PRKAR1B: variants seen among roughly 807,000 people sequenced by gnomAD.
PRKAR1B encodes the protein protein kinase cAMP-dependent type I regulatory subunit beta.
A neutral mutation model predicts 46.5 loss-of-function variants in PRKAR1B; 22 were observed. The observed-to-expected ratio is 0.47, with a 90% CI of 0.34 to 0.68. The LOEUF is 0.68. Ranked by LOEUF, PRKAR1B falls within the 30% of genes least tolerant of loss-of-function variation. PRKAR1B has a pLI of 0.01. For synonymous variants in PRKAR1B, 259 were observed against 217.7 expected (o/e 1.19, Z -1.67); for missense variants, 445 against 535.6 (o/e 0.83, Z 1.67).
chr7:639,655 G>A (rs1462601473), intron 4 of PRKAR1B, among the ~76,000 whole-genome samples: 1 of 152,142 alleles, frequency 6.6e-6, no homozygotes, highest in Non-Finnish European at 1.5e-5. Context: ...CTCTCAGCCT[G>A]CCTGGGCAAC....
intron 6 of PRKAR1B, among the ~76,000 whole-genome samples, chr7:604,174 A>AT: frequency 6.6e-6 from 1 of 152,272 alleles, no homozygotes; most frequent in East Asian, 1.9e-4. Context: ...ACCTCCTGGG[A>AT]CGGGCCCAGG....
intron 1 of PRKAR1B, 52 bp from the exon 2 acceptor site, chr7:711,579 C>T (rs913858300): frequency 1.2e-5 from 18 of 1,531,164 alleles, no homozygotes; most frequent in African/African-American, 1.4e-5. Flanking sequence ...CGGGGCTGCG[C>T]GCCGGATAAA....
intron 2 of PRKAR1B, 113 bp from the exon 3 acceptor site, chr7:680,839 T>A: frequency 8.0e-7 from 1 of 1,252,888 alleles, no homozygotes; most frequent in Non-Finnish European, 1.1e-6. Flanking sequence ...GAGGATCGCT[T>A]GAACTCAGGA....
At chr7:553,839 CCT>C (rs1337895189) in intron 9 of PRKAR1B, among the ~76,000 whole-genome samples, 4 of 152,392 alleles carry the variant, frequency 2.6e-5, no homozygotes, top group African/African-American at 9.6e-5. Flanking sequence ...TGCCCTGGCC[CCT>C]GATCCGGCCG....
At chr7:640,581 G>C (rs1361796393) in intron 4 of PRKAR1B, among the ~76,000 whole-genome samples, 1 of 152,072 alleles carries the variant, frequency 6.6e-6, no homozygotes, top group Non-Finnish European at 1.5e-5. Context: ...TGGCTAACAT[G>C]GTGAAACCCC....
chr7:629,007 G>A (rs1783579079), intron 4 of PRKAR1B, among the ~76,000 whole-genome samples: 1 of 152,178 alleles, frequency 6.6e-6, no homozygotes, highest in African/African-American at 2.4e-5. Flanking sequence ...CCGCCACCGC[G>A]GGACGCCATT....
intron 8 of PRKAR1B, 66 bp downstream of exon 8, chr7:584,442 G>A: frequency 7.0e-7 from 1 of 1,419,966 alleles, no homozygotes; most frequent in South Asian, 1.2e-5. Context: ...ATGGGGAAGA[G>A]GCCGGGGTGG....
At position 560,107 on chromosome 7, in the gene PRKAR1B, G is replaced by A. The variant is rs1193820393; in HGVS notation, c.892-8637C>T. Among the ~76,000 whole-genome samples the A allele has an allele frequency of 2.0e-5, 3 of 152,084 alleles. No homozygotes were observed. The highest frequency in any genetic ancestry group is 1.9e-4 in the East Asian group (1 of 5,186). ...GAGTTGTAGCTCCCATAATCCCCAC[G>A]TGTTGTGGGAGGGACCCAGGGGGCG... is the stretch of plus-strand genomic sequence containing the variant. On this transcript the variant is annotated intron_variant, in intron 9 of 10. Transcript: ENST00000537384. The surrounding 1 kb of genome is among the most constrained non-coding windows in gnomAD (Gnocchi z 4.2).
At chr7:727,129 G>C in intron 1 of PRKAR1B, 81 bp downstream of exon 1, 2 of 1,189,266 alleles carry the variant, frequency 1.7e-6, no homozygotes, top group Non-Finnish European at 1.0e-6. Context: ...CCCGCCCGAG[G>C]CCTGTGAGGA....
At chr7:597,477 GA>G (rs1442591594) in intron 6 of PRKAR1B, among the ~76,000 whole-genome samples, 1 of 152,202 alleles carries the variant, frequency 6.6e-6, no homozygotes, top group African/African-American at 2.4e-5. Context: ...TTCCTGGAGG[GA>G]GGCTGGAGCA....
intron 4 of PRKAR1B, among the ~76,000 whole-genome samples, chr7:675,644 T>C (rs147992805): frequency 1.3e-3 from 195 of 152,150 alleles, no homozygotes; most frequent in Non-Finnish European, 2.2e-3. Flanking sequence ...GACCACCCAA[T>C]GTTCATAAAG....
intron 4 of PRKAR1B, among the ~76,000 whole-genome samples, chr7:668,425 G>A (rs1453155026): frequency 6.6e-6 from 1 of 152,218 alleles, no homozygotes; most frequent in Non-Finnish European, 1.5e-5. Flanking sequence ...TGAGCCATCA[G>A]CCTGTTTCTT....
At chr7:724,051 C>A (rs1372651460) in intron 1 of PRKAR1B, among the ~76,000 whole-genome samples, 2 of 152,186 alleles carry the variant, frequency 1.3e-5, no homozygotes, top group Admixed American at 6.5e-5. Context: ...TCACCTCAAT[C>A]ACGTCTGCAA....
intron 4 of PRKAR1B, among the ~76,000 whole-genome samples, chr7:637,735 T>A (rs1219044612): frequency 6.6e-6 from 1 of 151,762 alleles, no homozygotes; most frequent in Non-Finnish European, 1.5e-5. Flanking sequence ...CTGAGGAGGC[T>A]GAGGCAGCAG....
chr7:627,427 C>T (rs892594791), intron 4 of PRKAR1B, among the ~76,000 whole-genome samples: 7 of 152,186 alleles, frequency 4.6e-5, no homozygotes, highest in African/African-American at 1.2e-4. Context: ...ATTTTACAGA[C>T]GGGACACTGA....
rs1222138416 is a variant in PRKAR1B at position 593,214 on chromosome 7, G to T, written c.708+2932C>A. On this transcript the variant is annotated intron_variant, in intron 7 of 10. Transcript: ENST00000537384. The surrounding 1 kb of genome is among the most constrained non-coding windows in gnomAD (Gnocchi z 6.1). ...GGAGTCTCCCAGATCAGACACTCTG[G>T]GATCCTAAACTGGAGTCAGCGTTCA... is the stretch of plus-strand genomic sequence containing the variant. Among the ~76,000 whole-genome samples the T allele has an allele frequency of 6.6e-6, 1 of 152,118 alleles. No homozygotes were observed. The highest frequency in any genetic ancestry group is 2.4e-5 in the African/African-American group (1 of 41,422).
chr7:597,724 G>A (rs546876000), intron 6 of PRKAR1B, among the ~76,000 whole-genome samples: 131 of 152,360 alleles, frequency 8.6e-4, no homozygotes, highest in Non-Finnish European at 1.5e-3. Context: ...CGATGAAGCC[G>A]GGGGAAGGGC....
intron 2 of PRKAR1B, among the ~76,000 whole-genome samples, chr7:707,807 A>G (rs1780411166): frequency 6.6e-6 from 1 of 151,908 alleles, no homozygotes; most frequent in South Asian, 2.1e-4. Context: ...GAGCTGGGGG[A>G]GACACAGAAC....
At chr7:696,508 A>G (rs1389413706) in intron 2 of PRKAR1B, among the ~76,000 whole-genome samples, 3 of 151,932 alleles carry the variant, frequency 2.0e-5, no homozygotes, top group Admixed American at 6.6e-5. Context: ...TCCTGACCTC[A>G]GGTGACCCAC....
Sources: gnomAD v4.1 joint callset for allele counts (sites outside exome capture counted in the v4.1 genomes callset) on GRCh38, gnomAD v4.1.1 for gene constraint, Gnocchi (gnomAD v3.1) non-coding constraint, MANE v1.5 for transcripts, NCBI Gene and HGNC (gene_info 2026-07-23, HGNC 2026-07-21) for gene names.